LOXL2: variants seen among roughly 807,000 people sequenced by gnomAD.
LOXL2 encodes the protein lysyl oxidase homolog 2.
Under a neutral mutation model 93.0 loss-of-function variants are expected in LOXL2, and 70 were observed. That is an observed-to-expected ratio of 0.75 (90% CI 0.62 to 0.92). The LOEUF (loss-of-function observed/expected upper bound fraction) is 0.92, where lower values mean the gene tolerates loss of function less well. Among genes scored for constraint, LOXL2 ranks in the 40% least tolerant of loss-of-function variants. LOXL2 has a pLI of 0.00. For synonymous variants in LOXL2, 438 were observed against 413.2 expected, an observed-to-expected ratio of 1.06 and a Z score of -0.73; for missense variants, 973 against 1,054.9, an observed-to-expected ratio of 0.92 and a Z score of 1.08.
At chr8:23,348,879 A>AG (rs1315352350) in intron 3 of LOXL2, among the ~76,000 whole-genome samples, 1 of 151,356 alleles carries the variant, frequency 6.6e-6, no homozygotes, top group African/African-American at 2.4e-5. Context: ...TCCGTCTCAA[A>AG]AAAAACAAAA....
chr8:23,309,330 A>G (rs1474721339), intron 10 of LOXL2, among the ~76,000 whole-genome samples: 4 of 152,230 alleles, frequency 2.6e-5, no homozygotes, highest in Non-Finnish European at 5.9e-5. Flanking sequence ...CACAGCCTGG[A>G]GTACCTGGCA....
chr8:23,399,176 C>T (rs1163172610), intron 1 of LOXL2, among the ~76,000 whole-genome samples: 1 of 152,206 alleles, frequency 6.6e-6, no homozygotes, highest in South Asian at 2.1e-4. Flanking sequence ...GCCACTTCAT[C>T]TGAGGCCTCA....
At chr8:23,342,571 A>G (rs1803900097) in intron 3 of LOXL2, among the ~76,000 whole-genome samples, 2 of 151,712 alleles carry the variant, frequency 1.3e-5, no homozygotes, top group South Asian at 2.1e-4. Context: ...AGCTGGGACT[A>G]CAGGCGCACG....
In LOXL2 at chr8:23,360,222, C is replaced by G. The variant is rs371881312; in HGVS notation, c.399G>C (p.Ala133=). 1 of 1,613,698 alleles carries G rather than the reference C, an allele frequency of 6.2e-7. No individual in the cohort carries two copies. The highest frequency in any genetic ancestry group is 1.7e-5 in the Admixed American group (1 of 59,984). The change falls in exon 3 of 14, where the codon GCG becomes GCC. Residue 133 remains alanine (A), a synonymous_variant. Coordinates refer to ENST00000389131, the MANE Select transcript of LOXL2 (RefSeq NM_002318.3). ...LDNLHCTGNE[A]TLAACTSNGW... ...CATTGGAGGTGCATGCTGCAAGGGT[C>G]GCCTCGTTGCCAGTACAGTGGAGAT...
intron 9 of LOXL2, among the ~76,000 whole-genome samples, chr8:23,315,443 G>A (rs1803379551): frequency 6.6e-6 from 1 of 152,176 alleles, no homozygotes; most frequent in Non-Finnish European, 1.5e-5. Context: ...CACACTCCCA[G>A]TGATGCTTCA....
Position 23,377,194 on chromosome 8 carries a change from T to C in LOXL2, c.-83-8760A>G, listed in dbSNP as rs1449890077. Among the ~76,000 whole-genome samples the C allele has an allele frequency of 5.3e-5, 8 of 152,326 alleles. No homozygotes were observed. In the East Asian group the frequency reaches 1.5e-3, roughly 29 times the overall value. On this transcript the variant is annotated intron_variant, in intron 1 of 13. Coordinates refer to ENST00000389131, the MANE Select transcript of LOXL2 (RefSeq NM_002318.3). ...CTTTATTTCTGCCTTCATTTTGTTA[T>C]GTACCCAGTAGTCATTCAGGAGCAG...
At chr8:23,324,298 C>T (rs990926621) in intron 6 of LOXL2, among the ~76,000 whole-genome samples, 6 of 152,206 alleles carry the variant, frequency 3.9e-5, no homozygotes, top group African/African-American at 9.6e-5. Flanking sequence ...TGTAAACTTG[C>T]GTGGCTGTCT....
At chr8:23,354,536 G>A (rs955990585) in intron 3 of LOXL2, among the ~76,000 whole-genome samples, 6 of 152,022 alleles carry the variant, frequency 3.9e-5, no homozygotes, top group African/African-American at 1.5e-4. Context: ...CTGGAGAAAA[G>A]GCAAAGAGAG....
intron 1 of LOXL2, among the ~76,000 whole-genome samples, chr8:23,391,832 A>T (rs1192200970): frequency 1.3e-5 from 2 of 152,148 alleles, no homozygotes; most frequent in Non-Finnish European, 2.9e-5. Flanking sequence ...TGGAAATAAG[A>T]TGAGTGTACT....
rs1803991085 is a variant in LOXL2, at chr8:23,346,598, A to G, written c.532-5395T>C. On this transcript the variant is annotated intron_variant, in intron 3 of 13. Coordinates refer to ENST00000389131, the MANE Select transcript of LOXL2 (RefSeq NM_002318.3). ...TGACTTGCAAATTCCAGAATGCGAT[A>G]GTCTGGGGCTGTCGCCAATGAGGAA... Among the ~76,000 whole-genome samples the G allele has an allele frequency of 2.0e-5, 3 of 152,242 alleles. No individual in the cohort carries two copies. The South Asian group carries it at 6.2e-4, about 32-fold the overall frequency.
At position 23,309,840 on chromosome 8, in the gene LOXL2, T is replaced by G. The variant is rs1063582; in HGVS notation, c.1708A>C (p.Met570Leu). 0.77 allele frequency: 1,231,613 copies of G among 1,594,648 alleles called. 476,997 individuals carry two copies. The highest frequency in any genetic ancestry group is 0.87 in the South Asian group (77,023 of 88,262). Reference protein sequence around the residue: ...TTYLEDRPMFMLQCAMEENCL... With the variant: ...TTYLEDRPMFLLQCAMEENCL... Reference sequence around the variant, plus strand: ...TTCTCCTCCATGGCACACTGCAGCATGAACATGGGCCGGTCCTCCAGGTAG... The same window carrying G: ...TTCTCCTCCATGGCACACTGCAGCAGGAACATGGGCCGGTCCTCCAGGTAG... Residue 570 changes from methionine (M) to leucine (L), a missense_variant, in exon 10 of 14, where the codon ATG (methionine) becomes CTG (leucine). Coordinates refer to ENST00000389131, the MANE Select transcript of LOXL2 (RefSeq NM_002318.3).
chr8:23,371,347 G>A (rs1036052245), intron 1 of LOXL2, among the ~76,000 whole-genome samples: 1 of 152,204 alleles, frequency 6.6e-6, no homozygotes, highest in Non-Finnish European at 1.5e-5. Context: ...GGAGGCGTAG[G>A]AAGGAATGAA....
intron 1 of LOXL2, among the ~76,000 whole-genome samples, chr8:23,396,901 T>A (rs554537955): frequency 2.0e-5 from 3 of 152,360 alleles, no homozygotes; most frequent in Non-Finnish European, 1.5e-5. Flanking sequence ...CAGGCATTTG[T>A]ACACCAATGT....
chr8:23,306,251 T>C (rs1163591341), intron 10 of LOXL2, among the ~76,000 whole-genome samples: 4 of 152,176 alleles, frequency 2.6e-5, no homozygotes, highest in Admixed American at 6.5e-5. Context: ...GTGGCCCCAA[T>C]GAAACTCCCA....
In LOXL2 at chr8:23,332,386, TCATAC is replaced by T. The variant is rs1563192814; in HGVS notation, c.966+1010_966+1014del. ...ACCCACACACACCCCACATACACACTCATACACACACACTCATACACACACCGCCA... is the reference window on the plus strand; with the variant it reads ...ACCCACACACACCCCACATACACACTACACACACTCATACACACACCGCCA... On this transcript the variant is annotated intron_variant, in intron 5 of 13. Coordinates refer to ENST00000389131, the MANE Select transcript of LOXL2 (RefSeq NM_002318.3). 6.6e-3 allele frequency among the ~76,000 whole-genome samples: 527 copies of T among 79,944 alleles called. 30 individuals are homozygous for T. The East Asian group carries it at 0.15, about 22-fold the overall frequency. 52.4% of individuals were successfully genotyped at this position (79,944 alleles called of 152,430 possible).
At chr8:23,316,886 A>G in intron 9 of LOXL2, 63 bp downstream of exon 9, 1 of 1,426,816 alleles carries the variant, frequency 7.0e-7, no homozygotes. Context: ...TCTCTTGAGG[A>G]ATAACTGGTG....
At chr8:23,385,128 C>T (rs979452861) in intron 1 of LOXL2, among the ~76,000 whole-genome samples, 2 of 148,770 alleles carry the variant, frequency 1.3e-5, no homozygotes, top group Non-Finnish European at 3.0e-5. Context: ...TTTACCACTC[C>T]CTGCGCCCCC....
intron 9 of LOXL2, among the ~76,000 whole-genome samples, chr8:23,312,079 C>T (rs1482127014): frequency 6.6e-6 from 1 of 152,344 alleles, no homozygotes; most frequent in African/African-American, 2.4e-5. Context: ...GACACATACA[C>T]CGTCCCAAGA....
rs1358483212 is a variant in LOXL2 at position 23,402,006 on chromosome 8, A to G, written c.-84+1948T>C. On this transcript the variant is annotated intron_variant, in intron 1 of 13. Transcript: ENST00000389131. ...AGCAAATGCACATGCATGCACAAAC[A>G]CACATATACATATACACACGTGCAC... 3.3e-5 allele frequency among the ~76,000 whole-genome samples: 5 copies of G among 152,256 alleles called. No homozygotes were observed. The East Asian group carries it at 9.6e-4, about 29-fold the overall frequency.
Sources: gnomAD v4.1 joint callset for allele counts (sites outside exome capture counted in the v4.1 genomes callset) on GRCh38, gnomAD v4.1.1 for gene constraint, MANE v1.5 for transcripts, NCBI Gene and HGNC (gene_info 2026-07-23, HGNC 2026-07-21) for gene names.